Variants in KLHDC4 observed in about 807,000 individuals in gnomAD.
KLHDC4 encodes the protein kelch domain containing 4.
A neutral mutation model predicts 62.4 loss-of-function variants in KLHDC4; 90 were observed. The ratio of observed to expected loss-of-function variants is 1.44; its 90% CI spans 1.22 to 1.72. The LOEUF is 1.72. Among genes scored for constraint, KLHDC4 ranks in the 40% most tolerant of loss-of-function variants. The pLI, the probability that KLHDC4 is intolerant of heterozygous loss-of-function variation, is 0.00. For missense variants in KLHDC4, 1,025 were observed against 699.7 expected (o/e 1.47, Z -5.25); for synonymous variants, 386 against 284.4 (o/e 1.36, Z -3.59).
At chr16:87,753,073 G>A (rs1024778595) in intron 4 of KLHDC4, among the ~76,000 whole-genome samples, 2 of 152,212 alleles carry the variant, frequency 1.3e-5, no homozygotes, top group Non-Finnish European at 2.9e-5. Flanking sequence ...AGGGCAGGTG[G>A]TCTTGCATAG....
chr16:87,762,279 C>G (rs1318558912), intron 1 of KLHDC4: 9 of 650,666 alleles, frequency 1.4e-5, no homozygotes, highest in African/African-American at 5.7e-5. Context: ...TCTCCACACC[C>G]TTAACGCTCC....
At chr16:87,714,797 G>A (rs952652828) in intron 7 of KLHDC4, among the ~76,000 whole-genome samples, 13 of 152,134 alleles carry the variant, frequency 8.5e-5, no homozygotes, top group African/African-American at 1.2e-4. Context: ...TCTAATGGCC[G>A]CGATCACACA....
At chr16:87,734,999 C>T (rs1208436173) in intron 5 of KLHDC4, among the ~76,000 whole-genome samples, 4 of 132,690 alleles carry the variant, frequency 3.0e-5, no homozygotes, top group Admixed American at 7.6e-5. Context: ...AATTGCCTGA[C>T]GCCCCTCCCC....
At chr16:87,742,010 C>G (rs1367593207) in intron 5 of KLHDC4, among the ~76,000 whole-genome samples, 1 of 152,228 alleles carries the variant, frequency 6.6e-6, no homozygotes, top group East Asian at 1.9e-4. Flanking sequence ...CTGCACGAGG[C>G]CTGACACAGC....
chr16:87,749,390 C>G (rs1001496018), intron 4 of KLHDC4, among the ~76,000 whole-genome samples: 4 of 151,928 alleles, frequency 2.6e-5, no homozygotes, highest in Non-Finnish European at 2.9e-5. Context: ...CCCATCTCTA[C>G]TAAAAATACA....
chr16:87,745,357 C>A (rs1329786776), intron 5 of KLHDC4, among the ~76,000 whole-genome samples: 2 of 152,238 alleles, frequency 1.3e-5, no homozygotes. Context: ...CTCGCAGCAC[C>A]CGCCCCAGGG....
intron 5 of KLHDC4, among the ~76,000 whole-genome samples, chr16:87,734,678 G>C (rs2040969924): frequency 6.6e-6 from 1 of 152,162 alleles, no homozygotes; most frequent in Non-Finnish European, 1.5e-5. Flanking sequence ...ACCCGGAGTT[G>C]GCATGAGCCT....
intron 7 of KLHDC4, among the ~76,000 whole-genome samples, chr16:87,724,401 T>C (rs1050982569): frequency 2.0e-5 from 3 of 152,146 alleles, no homozygotes; most frequent in Non-Finnish European, 4.4e-5. Flanking sequence ...AAGCTTCTCA[T>C]CAACAAACAC....
chr16:87,737,523 G>C (rs1009611546), intron 5 of KLHDC4, among the ~76,000 whole-genome samples: 2 of 151,414 alleles, frequency 1.3e-5, no homozygotes, highest in African/African-American at 4.9e-5. Flanking sequence ...AGGAGGCGGA[G>C]GTTGCCGTGA....
chr16:87,720,455 A>G (rs1463373207), intron 7 of KLHDC4, among the ~76,000 whole-genome samples: 1 of 152,134 alleles, frequency 6.6e-6, no homozygotes, highest in African/African-American at 2.4e-5. Flanking sequence ...CCAGCAACCC[A>G]TCAAGAGCAC....
Position 87,709,305 on chromosome 16 carries a change from G to A in KLHDC4, c.1407C>T (p.His469=). 3 of 1,613,158 alleles carry A rather than the reference G, an allele frequency of 1.9e-6. No homozygotes were observed. Among genetic ancestry groups the A allele is most frequent in the Non-Finnish European group, 2.5e-6 (3 of 1,179,946 alleles). ...CCAAGGCCTTCCACGCCTCCATCCT[G>A]TGCAGGTCCAGGCAGTGCAGGTCGC... ...TLSDLHCLDL[H]RMEAWKALVE... The change falls in exon 10 of 12, where the codon CAC becomes CAT. Residue 469 remains histidine (H), a synonymous_variant. Coordinates refer to ENST00000270583, the MANE Select transcript of KLHDC4 (RefSeq NM_017566.4).
intron 5 of KLHDC4, among the ~76,000 whole-genome samples, chr16:87,748,038 T>A (rs1040925175): frequency 6.6e-6 from 1 of 152,238 alleles, no homozygotes; most frequent in African/African-American, 2.4e-5. Flanking sequence ...CAGTCTGTCA[T>A]TCGACTAGAC....
chr16:87,725,351 G>C (rs1466268012), intron 7 of KLHDC4, among the ~76,000 whole-genome samples: 1 of 152,118 alleles, frequency 6.6e-6, no homozygotes, highest in African/African-American at 2.4e-5. Context: ...ATTTTTAGTA[G>C]AGACGGGGTT....
chr16:87,738,658 A>ATC lies in KLHDC4; in HGVS notation c.507-8016_507-8015dup, dbSNP rs149209566. 5.0e-3 allele frequency among the ~76,000 whole-genome samples: 657 copies of ATC among 131,612 alleles called. 11 individuals carry two copies. The highest frequency in any genetic ancestry group is 7.6e-3 in the Non-Finnish European group (462 of 61,166). 86.3% of individuals were successfully genotyped at this position (131,612 alleles called of 152,430 possible). On this transcript the variant is annotated intron_variant, in intron 5 of 11. Coordinates refer to ENST00000270583, the MANE Select transcript of KLHDC4 (RefSeq NM_017566.4). The stretch of plus-strand genomic sequence containing the variant: ...GCATCTCATCCATCCACACACCAGC[A>ATC]TCTCATCCATCCACACACCAGCACC...
rs2034944710 is a variant in KLHDC4 at position 87,707,841 on chromosome 16, A to G, written c.*236T>C. The G allele has an allele frequency of 2.4e-6, 1 of 409,030 alleles. No individual in the cohort carries two copies. The highest frequency in any genetic ancestry group is 2.0e-5 in the African/African-American group (1 of 48,852). The allele number at this position is 409,030 out of a possible 1,614,324, so 25.3% of individuals were successfully genotyped here. ...GTTTCAAGTCCAATTTATTTCACAC[A>G]ACACACAGGCTGCTGAGGGAATCCA... On this transcript the variant is annotated 3_prime_UTR_variant, in exon 12 of 12. Transcript: ENST00000270583.
intron 7 of KLHDC4, among the ~76,000 whole-genome samples, chr16:87,725,105 T>C (rs537130741): frequency 6.6e-6 from 1 of 152,256 alleles, no homozygotes; most frequent in Non-Finnish European, 1.5e-5. Flanking sequence ...GTGACTTGTT[T>C]AGCAGAAGCT....
At chr16:87,711,854 T>A (rs1294602184) in intron 8 of KLHDC4, among the ~76,000 whole-genome samples, 3 of 149,396 alleles carry the variant, frequency 2.0e-5, no homozygotes, top group East Asian at 2.0e-4. Flanking sequence ...CCAGCCCCCC[T>A]TGGGCCTGCA....
chr16:87,765,140 A>C, intron 1 of KLHDC4: 1 of 456,018 alleles, frequency 2.2e-6, no homozygotes, highest in Non-Finnish European at 4.4e-6. Context: ...CGGTTAGGGA[A>C]TCCATGAGCA....
At chr16:87,717,974 C>A (rs1427826169) in intron 7 of KLHDC4, among the ~76,000 whole-genome samples, 1 of 152,200 alleles carries the variant, frequency 6.6e-6, no homozygotes, top group African/African-American at 2.4e-5. Flanking sequence ...AGGTGGAGCA[C>A]TTCACAAGGC....
Sources: gnomAD v4.1 joint callset for allele counts (sites outside exome capture counted in the v4.1 genomes callset) on GRCh38, gnomAD v4.1.1 for gene constraint, MANE v1.5 for transcripts, NCBI Gene and HGNC (gene_info 2026-07-23, HGNC 2026-07-21) for gene names.